Variants in LMCD1 observed in about 807,000 individuals in gnomAD.
LMCD1 encodes LIM and cysteine-rich domains protein 1.
A neutral mutation model predicts 42.7 loss-of-function variants in LMCD1; 32 were observed. That is an observed-to-expected ratio of 0.75 (90% confidence interval 0.57 to 1.01). The LOEUF (loss-of-function observed/expected upper bound fraction) is 1.01, where lower values mean the gene tolerates loss of function less well. Ranked by LOEUF, LMCD1 falls within the 50% of genes least tolerant of loss-of-function variation. LMCD1 has a pLI of 0.00. For synonymous variants in LMCD1, 178 were observed against 184.9 expected (o/e 0.96, Z 0.30); for missense variants, 458 against 483.1 (o/e 0.95, Z 0.49).
At chr3:8,517,119 C>G (rs996700783) in intron 1 of LMCD1, among the ~76,000 whole-genome samples, 1 of 152,198 alleles carries the variant, frequency 6.6e-6, no homozygotes, top group East Asian at 1.9e-4. Context: ...ATAGCTCTTC[C>G]TTTTCCTTCT....
chr3:8,542,931 C>G (rs1408350574), intron 3 of LMCD1, among the ~76,000 whole-genome samples: 2 of 152,202 alleles, frequency 1.3e-5, no homozygotes, highest in Non-Finnish European at 2.9e-5. Flanking sequence ...TTGGCTGTTC[C>G]TATCATCTCT....
chr3:8,556,102 T>C (rs1694929993), intron 4 of LMCD1, among the ~76,000 whole-genome samples: 1 of 152,244 alleles, frequency 6.6e-6, no homozygotes, highest in Admixed American at 6.5e-5. Context: ...ATGATGATGA[T>C]GCTGTCATCT....
At chr3:8,528,352 G>GTT (rs35009327) in intron 1 of LMCD1, among the ~76,000 whole-genome samples, 56 of 151,104 alleles carry the variant, frequency 3.7e-4, no homozygotes, top group African/African-American at 1.2e-3. Flanking sequence ...ACCACACCTA[G>GTT]TTTTTTTTTG....
intron 3 of LMCD1, among the ~76,000 whole-genome samples, chr3:8,539,091 T>A (rs1559351883): frequency 6.6e-6 from 1 of 152,162 alleles, no homozygotes; most frequent in Admixed American, 6.5e-5. Context: ...TGAAATCTCA[T>A]GGGGTATGCG....
At chr3:8,543,440 T>C (rs13324347) in intron 3 of LMCD1, among the ~76,000 whole-genome samples, 5,656 of 133,720 alleles carry the variant, frequency 0.042, 138 homozygotes, top group African/African-American at 0.05. Context: ...GATAGATAGA[T>C]AGACAGACAG....
chr3:8,512,123 A>T (rs1401214627), intron 1 of LMCD1, among the ~76,000 whole-genome samples: 1 of 152,222 alleles, frequency 6.6e-6, no homozygotes, highest in Non-Finnish European at 1.5e-5. Flanking sequence ...GTGCACCCTG[A>T]GCTTCACTCT....
intron 1 of LMCD1, among the ~76,000 whole-genome samples, chr3:8,524,041 G>C (rs996736196): frequency 1.3e-5 from 2 of 152,048 alleles, no homozygotes; most frequent in Non-Finnish European, 2.9e-5. Flanking sequence ...TCAAACAATG[G>C]AAGAAGTCCA....
intron 1 of LMCD1, among the ~76,000 whole-genome samples, chr3:8,518,700 A>G (rs1189649529): frequency 1.3e-5 from 2 of 152,158 alleles, no homozygotes; most frequent in African/African-American, 2.4e-5. Context: ...ACTCCTGGAG[A>G]TAAAGATGAG....
At chr3:8,566,263 A>AAAGT (rs538760986) in intron 5 of LMCD1, among the ~76,000 whole-genome samples, 44 of 152,198 alleles carry the variant, frequency 2.9e-4, no homozygotes, top group Non-Finnish European at 5.0e-4. Context: ...TGGTTTGATG[A>AAAGT]AAGTAACTCT....
rs150528705 is a variant in LMCD1, at chr3:8,541,298, C to G, written c.387+3858C>G. On this transcript the variant is annotated intron_variant, in intron 3 of 5. Coordinates refer to ENST00000157600, the MANE Select transcript of LMCD1 (RefSeq NM_014583.4). ...GGTGCAGTGGCTCGCACCTGTAATC[C>G]TAGCACTTTGGGAAGCCGAGGCAGG... Among the ~76,000 whole-genome samples the G allele has an allele frequency of 4.2e-3, 644 of 152,260 alleles. 5 individuals are homozygous for G. Among genetic ancestry groups the G allele is most frequent in the African/African-American group, 0.015 (633 of 41,546 alleles).
rs561363025 is a variant in LMCD1, at chr3:8,571,459, C to T, written c.*3861C>T. 6.6e-6 allele frequency: 1 copy of T among 152,340 alleles called. No individual in the cohort carries two copies. Among genetic ancestry groups the T allele is most frequent in the Non-Finnish European group, 1.5e-5 (1 of 68,034 alleles). The allele number at this position is 152,340 out of a possible 1,614,324, so 9.4% of individuals were successfully genotyped here. A position where few individuals can be genotyped will look rare whatever the true frequency, so the allele number is the denominator to read the frequency against. ...TACACATTGCCACCACACCCCACTT[C>T]CTTCTTCCTAGTGGCAAGGAAGCAG... On this transcript the variant is annotated 3_prime_UTR_variant, in exon 6 of 6. Coordinates refer to ENST00000157600, the MANE Select transcript of LMCD1 (RefSeq NM_014583.4).
At chr3:8,534,261 C>T (rs1481864368) in intron 2 of LMCD1, among the ~76,000 whole-genome samples, 1 of 151,880 alleles carries the variant, frequency 6.6e-6, no homozygotes, top group Non-Finnish European at 1.5e-5. Flanking sequence ...CAATCCTGTG[C>T]TCCCTGCTGT....
At chr3:8,557,915 C>CTA (rs745916860) in intron 4 of LMCD1, among the ~76,000 whole-genome samples, 1 of 152,148 alleles carries the variant, frequency 6.6e-6, no homozygotes, top group Non-Finnish European at 1.5e-5. Context: ...TGTGCTTGAG[C>CTA]TAGAGGCTGG....
chr3:8,524,730 GGTTGGAT>G (rs1180234381), intron 1 of LMCD1, among the ~76,000 whole-genome samples: 1 of 152,046 alleles, frequency 6.6e-6, no homozygotes, highest in Non-Finnish European at 1.5e-5. Flanking sequence ...CTGTCATCCA[GGTTGGAT>G]GCAGTGGCAC....
At chr3:8,556,507 AT>A (rs1161960847) in intron 4 of LMCD1, among the ~76,000 whole-genome samples, 1 of 152,128 alleles carries the variant, frequency 6.6e-6, no homozygotes, top group African/African-American at 2.4e-5. Context: ...AGCTGAGGAA[AT>A]TGTCTAGTCA....
chr3:8,527,386 AATG>A (rs758218360), intron 1 of LMCD1, among the ~76,000 whole-genome samples: 4 of 152,220 alleles, frequency 2.6e-5, no homozygotes, highest in Non-Finnish European at 4.4e-5. Context: ...GACTGGGAAT[AATG>A]ATGATAATAA....
intron 4 of LMCD1, among the ~76,000 whole-genome samples, chr3:8,555,421 G>A (rs187209602): frequency 6.6e-6 from 1 of 152,286 alleles, no homozygotes; most frequent in Non-Finnish European, 1.5e-5. Context: ...TGAGCTGGAG[G>A]ACAGGAGGGT....
rs186745046 is a variant in LMCD1, at chr3:8,519,929, T to A, written c.43-12808T>A. Among the ~76,000 whole-genome samples the A allele has an allele frequency of 8.3e-3, 1,229 of 148,844 alleles. 20 individuals are homozygous for A. Among genetic ancestry groups the A allele is most frequent in the Middle Eastern group, 0.071 (21 of 294 alleles). On this transcript the variant is annotated intron_variant, in intron 1 of 5. Coordinates refer to ENST00000157600, the MANE Select transcript of LMCD1 (RefSeq NM_014583.4). ...ACACGTGTGTGTGTGAGAGAGAGTG[T>A]GTGTGTGTGTGTGTGTCAATGCTTC...
chr3:8,552,446 T>C (rs1694857249), intron 4 of LMCD1, among the ~76,000 whole-genome samples: 1 of 152,164 alleles, frequency 6.6e-6, no homozygotes, highest in Non-Finnish European at 1.5e-5. Flanking sequence ...TATGCTGTGG[T>C]CCTTACACTG....
Sources: allele counts gnomAD v4.1 joint callset (sites outside exome capture counted in the v4.1 genomes callset), GRCh38; gene constraint gnomAD v4.1.1; transcripts MANE v1.5; gene names NCBI Gene and HGNC (gene_info 2026-07-23, HGNC 2026-07-21).